Variants in RIGI observed in about 807,000 individuals in gnomAD.
RIGI encodes the protein antiviral innate immune response receptor RIG-I.
the RIGI span, among the ~76,000 whole-genome samples, chr9:32,478,325 G>A: frequency 3.9e-5 from 6 of 152,156 alleles, no homozygotes; most frequent in Non-Finnish European, 8.8e-5. Context: ...CACTACAGGT[G>A]TGAGCCACCA....
chr9:32,503,359 C>A, the RIGI span, among the ~76,000 whole-genome samples: 2 of 152,118 alleles, frequency 1.3e-5, no homozygotes, highest in African/African-American at 4.8e-5. Context: ...AGAGTAGTGA[C>A]AATTTCCTCA....
the RIGI span, among the ~76,000 whole-genome samples, chr9:32,487,213 AG>A: frequency 2.0e-5 from 3 of 152,184 alleles, no homozygotes; most frequent in Admixed American, 2.0e-4. Flanking sequence ...TTGCATTGCT[AG>A]TACATTTATA....
the RIGI span, chr9:32,526,158 G>A: frequency 5.2e-4 from 834 of 1,612,596 alleles, 13 homozygotes; most frequent in Middle Eastern, 0.014. Context: ...GTCGCTGCTC[G>A]GTGGTCATGC....
the RIGI span, among the ~76,000 whole-genome samples, chr9:32,495,556 G>A: frequency 0.02 from 2,989 of 152,098 alleles, 107 homozygotes; most frequent in African/African-American, 0.067. Flanking sequence ...ATTGCATTAT[G>A]GCTTTGAATT....
the RIGI span, chr9:32,459,323 T>C: frequency 6.3e-7 from 1 of 1,593,924 alleles, no homozygotes; most frequent in Non-Finnish European, 8.5e-7. Context: ...CAGTAAGCTG[T>C]AGCTAGTGCT....
chr9:32,467,298 C>T, the RIGI span, among the ~76,000 whole-genome samples: 3 of 152,090 alleles, frequency 2.0e-5, no homozygotes, highest in Admixed American at 1.3e-4. Context: ...GTGACACGAT[C>T]GAGCTGTTTT....
chr9:32,508,801 A>C, the RIGI span, among the ~76,000 whole-genome samples: 9 of 152,180 alleles, frequency 5.9e-5, no homozygotes, highest in African/African-American at 2.2e-4. Context: ...CAAGTGGTCT[A>C]GCACAGCAAA....
At chr9:32,501,869 T>C in the RIGI span, among the ~76,000 whole-genome samples, 2 of 152,222 alleles carry the variant, frequency 1.3e-5, no homozygotes, top group African/African-American at 4.8e-5. Flanking sequence ...CTTAAAAGGA[T>C]CTCTGCCAAG....
At chr9:32,486,531 G>T in the RIGI span, among the ~76,000 whole-genome samples, 28 of 151,504 alleles carry the variant, frequency 1.8e-4, no homozygotes, top group Admixed American at 5.9e-4. Context: ...AATTCTTCCA[G>T]GGAAGTCAGA....
the RIGI span, among the ~76,000 whole-genome samples, chr9:32,506,100 C>T: frequency 6.6e-6 from 1 of 152,144 alleles, no homozygotes; most frequent in Non-Finnish European, 1.5e-5. Flanking sequence ...CACCCGTAAT[C>T]CCAGCTACTC....
chr9:32,466,578 G>T, the RIGI span: 6 of 721,436 alleles, frequency 8.3e-6, no homozygotes, highest in South Asian at 1.9e-5. Flanking sequence ...AAGTTGAGCT[G>T]TTAAAGAGTG....
chr9:32,505,858 C>T, the RIGI span, among the ~76,000 whole-genome samples: 1 of 152,176 alleles, frequency 6.6e-6, no homozygotes, highest in South Asian at 2.1e-4. Flanking sequence ...TCTTTACCTG[C>T]TTTACCAACT....
the RIGI span, among the ~76,000 whole-genome samples, chr9:32,464,922 C>A: frequency 2.6e-5 from 4 of 152,204 alleles, no homozygotes. Context: ...CTCCTCACCC[C>A]ACTCCTTATC....
the RIGI span, chr9:32,485,153 C>T: frequency 1.3e-6 from 2 of 1,551,242 alleles, no homozygotes; most frequent in Non-Finnish European, 1.8e-6. Flanking sequence ...AGAGAGAACA[C>T]AAAATATGAG....
At chr9:32,467,369 G>C in the RIGI span, among the ~76,000 whole-genome samples, 1 of 151,570 alleles carries the variant, frequency 6.6e-6, no homozygotes, top group East Asian at 1.9e-4. Flanking sequence ...GAAAAAGGAG[G>C]AAAGAATAGT....
chr9:32,485,681 C>T, the RIGI span: 31 of 373,688 alleles, frequency 8.3e-5, no homozygotes, highest in South Asian at 1.3e-4. Flanking sequence ...GCTGGGACAA[C>T]AGGCGCACAC....
the RIGI span, among the ~76,000 whole-genome samples, chr9:32,524,227 C>T: frequency 7.2e-5 from 11 of 152,288 alleles, no homozygotes; most frequent in East Asian, 2.1e-3. Context: ...TCATTGCTTC[C>T]TCAACTTTCA....
the RIGI span, chr9:32,526,047 C>G: frequency 6.3e-7 from 1 of 1,599,720 alleles, no homozygotes; most frequent in Middle Eastern, 1.7e-4. Flanking sequence ...GAAGGCGCCG[C>G]TGGAGACACT....
At chr9:32,499,803 G>A in the RIGI span, among the ~76,000 whole-genome samples, 12 of 152,228 alleles carry the variant, frequency 7.9e-5, no homozygotes, top group Admixed American at 5.9e-4. Flanking sequence ...TGCCCAGGCT[G>A]GAGTGCAGCA....
Sources: gnomAD v4.1 joint callset for allele counts (sites outside exome capture counted in the v4.1 genomes callset) on GRCh38, gnomAD v4.1.1 for gene constraint, MANE v1.5 for transcripts, NCBI Gene and HGNC (gene_info 2026-07-23, HGNC 2026-07-21) for gene names.